The following CNTFR variants were observed in gnomAD, a reference collection of about 807,000 sequenced individuals.
The protein encoded by CNTFR is ciliary neurotrophic factor receptor, also known as ciliary neurotrophic factor receptor subunit alpha.
CNTFR carries 12 observed loss-of-function variants against 40.4 expected under a neutral mutation model. That is an observed-to-expected ratio of 0.30 (90% CI 0.19 to 0.48). CNTFR has a LOEUF of 0.48. Among genes scored for constraint, CNTFR ranks in the 20% least tolerant of loss-of-function variants. The pLI is 0.99. For synonymous variants in CNTFR, 202 were observed against 209.6 expected (o/e 0.96, Z 0.31); for missense variants, 414 against 506.8 (o/e 0.82, Z 1.76).
At chr9:34,582,681 C>G (rs1827363092) in intron 1 of CNTFR, 1 of 65,958 alleles carries the variant, frequency 1.5e-5, no homozygotes, top group African/African-American at 4.8e-5. Flanking sequence ...ATGTTAGAGA[C>G]AGGTGGTTGA....
chr9:34,573,026 G>A (rs1006848567), intron 2 of CNTFR, among the ~76,000 whole-genome samples: 21 of 152,174 alleles, frequency 1.4e-4, no homozygotes, highest in African/African-American at 4.6e-4. Context: ...TCTGACAGCC[G>A]CCGTCGGTAA....
At chr9:34,556,520 T>TTGA in intron 6 of CNTFR, 102 bp from the exon 7 acceptor site, 1 of 1,126,614 alleles carries the variant, frequency 8.9e-7, no homozygotes, top group South Asian at 1.5e-5. Context: ...CCAACCATTG[T>TTGA]CATCAACATC....
In CNTFR at chr9:34,557,424, C is replaced by A; in HGVS notation, c.604+102G>T. 7.6e-7 allele frequency: 1 copy of A among 1,314,846 alleles called. No homozygotes were observed. The highest frequency in any genetic ancestry group is 1.1e-6 in the Non-Finnish European group (1 of 939,798). 81.4% of individuals were successfully genotyped at this position (1,314,846 alleles called of 1,614,324 possible). On this transcript the variant is annotated intron_variant, in intron 6 of 9. Transcript: ENST00000378980. The surrounding 1 kb of genome is among the most constrained non-coding windows in gnomAD (Gnocchi z 4.2). ...TACCTGTGCAGAGGCATGTACATGC[C>A]ATGTATACATGTGCATGCATGTGGA...
upstream of CNTFR, among the ~76,000 whole-genome samples, chr9:34,590,720 T>G (rs1827741337): frequency 1.3e-5 from 2 of 152,232 alleles, no homozygotes; most frequent in Non-Finnish European, 2.9e-5. Flanking sequence ...CTCACTCCCT[T>G]CGCAGCCTGG....
intron 4 of CNTFR, among the ~76,000 whole-genome samples, chr9:34,560,831 G>T (rs1826040733): frequency 6.6e-6 from 1 of 152,208 alleles, no homozygotes; most frequent in Admixed American, 6.5e-5. Context: ...GTGTGCGTGT[G>T]CCCCCACTGG....
In CNTFR at chr9:34,577,755, G is replaced by A. The variant is rs1369546994; in HGVS notation, c.-1+3340C>T. Among the ~76,000 whole-genome samples the A allele has an allele frequency of 5.5e-4, 83 of 152,222 alleles. 1 individual carries two copies. The highest frequency in any genetic ancestry group is 4.4e-5 in the Non-Finnish European group (3 of 68,028). On this transcript the variant is annotated intron_variant, in intron 2 of 9. Coordinates refer to ENST00000378980, the MANE Select transcript of CNTFR (RefSeq NM_147164.3). ...GTCCGATTGCAGCCAATGGGCCCCG[G>A]CCCCATCCCTGGGACCTCAGGAAGT... is the stretch of plus-strand genomic sequence containing the variant.
At chr9:34,574,894 G>A (rs1826878658) in intron 2 of CNTFR, among the ~76,000 whole-genome samples, 1 of 152,240 alleles carries the variant, frequency 6.6e-6, no homozygotes, top group Non-Finnish European at 1.5e-5. Flanking sequence ...GATGGGCCTG[G>A]CTGGGCAGCT....
intron 4 of CNTFR, among the ~76,000 whole-genome samples, chr9:34,561,082 C>G (rs554756959): frequency 6.6e-6 from 1 of 152,086 alleles, no homozygotes; most frequent in African/African-American, 2.4e-5. Context: ...CCCACCCACA[C>G]GCCGCCTCCT....
Position 34,556,267 on chromosome 9 carries a change from G to C in CNTFR, c.756C>G (p.Asp252Glu). ...GCAGGGCACTCACATGCTGCCACTG[G>C]TCCAGGATGAGGGGTCGGTAGCGCA... ...FFLRYRPLIL[D>E]QWQHVELSDG... Residue 252 changes from aspartate to glutamate, a missense_variant, in exon 7 of 10, where the codon GAC (aspartate) becomes GAG (glutamate). Asp to Glu is a conservative substitution (Grantham distance 45, BLOSUM62 2). Transcript: ENST00000378980. The C allele has an allele frequency of 6.2e-7, 1 of 1,612,666 alleles. No homozygotes were observed. Among genetic ancestry groups the C allele is most frequent in the Non-Finnish European group, 8.5e-7 (1 of 1,179,466 alleles).
intron 2 of CNTFR, among the ~76,000 whole-genome samples, chr9:34,575,078 C>T (rs1398675681): frequency 6.6e-6 from 1 of 152,210 alleles, no homozygotes; most frequent in Non-Finnish European, 1.5e-5. Context: ...CTTTCACCCT[C>T]AAAAGTCATC....
At position 34,564,678 on chromosome 9, in the gene CNTFR, T is replaced by C; in HGVS notation, c.240A>G (p.Glu80=). ...NGSQLVLHGL[E]LGHSGLYACF... ...AGGCGTAGAGGCCACTGTGGCCCAG[T>C]TCCAGGCCATGGAGCACCAGCTGAG... Residue 80 remains glutamate, a synonymous_variant, in exon 4 of 10, where the codon GAA becomes GAG. Coordinates refer to ENST00000378980, the MANE Select transcript of CNTFR (RefSeq NM_147164.3). The C allele has an allele frequency of 1.2e-6, 2 of 1,613,876 alleles. No individual in the cohort carries two copies. Among genetic ancestry groups the C allele is most frequent in the Non-Finnish European group, 1.7e-6 (2 of 1,179,912 alleles).
At position 34,557,578 on chromosome 9, in the gene CNTFR, G is replaced by C. The variant is rs2132131037; in HGVS notation, c.552C>G (p.Ser184Arg). The C allele has an allele frequency of 1.2e-6, 2 of 1,614,200 alleles. No homozygotes were observed. Among genetic ancestry groups the C allele is most frequent in the East Asian group, 4.5e-5 (2 of 44,884 alleles). ...CTGTGGCATTGTGGCCCAGGGCATT[G>C]CTGACACTTATGGAGACCTTGTACT... ...TIKYKVSISV[S>R]NALGHNATAI... The change falls in exon 6 of 10, where the codon AGC (serine) becomes AGG (arginine). Residue 184 changes from serine to arginine, a missense_variant. Ser to Arg is a moderately radical substitution (Grantham distance 110, BLOSUM62 -1). Coordinates refer to ENST00000378980, the MANE Select transcript of CNTFR (RefSeq NM_147164.3). This position sits in a 1 kb window ranked among gnomAD's most constrained non-coding sequence, Gnocchi z 4.2.
At chr9:34,575,241 C>T (rs1411955202) in intron 2 of CNTFR, among the ~76,000 whole-genome samples, 1 of 152,196 alleles carries the variant, frequency 6.6e-6, no homozygotes, top group East Asian at 1.9e-4. Flanking sequence ...TCTCTTCTGG[C>T]TTCCAGAAGA....
intron 2 of CNTFR, among the ~76,000 whole-genome samples, chr9:34,573,560 T>C (rs1475364012): frequency 5.3e-5 from 8 of 152,054 alleles, no homozygotes; most frequent in Non-Finnish European, 8.8e-5. Flanking sequence ...ACTCCCCCCA[T>C]TGCCAGGCGT....
At chr9:34,553,993 G>C (rs1172679676) in intron 7 of CNTFR, among the ~76,000 whole-genome samples, 1 of 152,098 alleles carries the variant, frequency 6.6e-6, no homozygotes, top group Non-Finnish European at 1.5e-5. Context: ...TATGTGTCTG[G>C]GCATGTGCGG....
intron 1 of CNTFR, chr9:34,582,853 C>G (rs982023468): frequency 5.9e-5 from 9 of 152,202 alleles, no homozygotes; most frequent in African/African-American, 2.2e-4. Flanking sequence ...AAAACACCGA[C>G]AGATACACTC....
chr9:34,564,274 C>T (rs1826187474), intron 4 of CNTFR, among the ~76,000 whole-genome samples: 1 of 152,174 alleles, frequency 6.6e-6, no homozygotes, highest in African/African-American at 2.4e-5. Flanking sequence ...GATCCGTGAC[C>T]TGAGGGTCTC....
intron 4 of CNTFR, among the ~76,000 whole-genome samples, chr9:34,560,629 G>A (rs2132144403): frequency 6.6e-6 from 1 of 152,340 alleles, no homozygotes; most frequent in East Asian, 1.9e-4. Context: ...CGTATGAACT[G>A]AACACCGTGT....
intron 1 of CNTFR, among the ~76,000 whole-genome samples, chr9:34,584,232 T>C (rs1424410338): frequency 1.3e-5 from 2 of 152,252 alleles, no homozygotes; most frequent in African/African-American, 4.8e-5. Context: ...TCTGCAGTTA[T>C]TTAGGATAAC....
Sources: allele counts gnomAD v4.1 joint callset (sites outside exome capture counted in the v4.1 genomes callset), GRCh38; gene constraint gnomAD v4.1.1; non-coding constraint Gnocchi (gnomAD v3.1); transcripts MANE v1.5; gene names NCBI Gene and HGNC (gene_info 2026-07-23, HGNC 2026-07-21).